Variants in ATG13 observed in about 807,000 individuals in gnomAD.
ATG13 encodes the protein autophagy-related protein 13.
A neutral mutation model predicts 65.5 loss-of-function variants in ATG13; 23 were observed. The observed-to-expected ratio is 0.35, with a 90% confidence interval of 0.25 to 0.50. The LOEUF (loss-of-function observed/expected upper bound fraction) is 0.50, where lower values mean the gene tolerates loss of function less well. Among genes scored for constraint, ATG13 ranks in the 20% least tolerant of loss-of-function variants. The pLI is 0.98. For missense variants in ATG13, 566 were observed against 677.0 expected, an observed-to-expected ratio of 0.84 and a Z score of 1.82; for synonymous variants, 252 against 245.2, an observed-to-expected ratio of 1.03 and a Z score of -0.26.
In ATG13 at chr11:46,667,797, C is replaced by G; in HGVS notation, c.1161C>G (p.Asn387Lys). 1 of 1,610,142 alleles carries G rather than the reference C, an allele frequency of 6.2e-7. No individual in the cohort carries two copies. Among genetic ancestry groups the G allele is most frequent in the Admixed American group, 1.7e-5 (1 of 59,922 alleles). The stretch of plus-strand genomic sequence containing the variant: ...GTGAGGATACTGAAACCGTATCAAA[C>G]AGCAGTGAGGGACGGGCCTCCCCTC... ...SSSEDTETVS[N>K]SSEGRASPHD... The change falls in exon 15 of 19, where the codon AAC (asparagine) becomes AAG (lysine). Residue 387 changes from asparagine to lysine, a missense_variant. Physicochemically the swap from Asn to Lys is moderately conservative, Grantham distance 94. This residue lies in a region of ATG13 where 387 missense variants were observed against 409.8 expected (regional missense o/e 0.94). Coordinates refer to ENST00000683050, the MANE Select transcript of ATG13 (RefSeq NM_001346311.2).
intron 2 of ATG13, 23 bp from the exon 3 acceptor site, chr11:46,644,256 T>C (rs2056951023): frequency 6.6e-7 from 1 of 1,525,728 alleles, no homozygotes; most frequent in Non-Finnish European, 8.9e-7. Context: ...ATTAGTCATA[T>C]TTTTTTCACT....
Position 46,657,240 on chromosome 11 carries a change from G to T in ATG13, c.596+49G>T, listed in dbSNP as rs1555110293. 5 of 1,517,018 alleles carry T rather than the reference G, an allele frequency of 3.3e-6. No homozygotes were observed. In the South Asian group the frequency reaches 5.6e-5, roughly 17 times the overall value. The allele number at this position is 1,517,018 out of a possible 1,614,324, so 94.0% of individuals were successfully genotyped here. A position where few individuals can be genotyped will look rare whatever the true frequency, so the allele number is the denominator to read the frequency against. ...AAAGAACTCTTCCGAAAATGTTAAA[G>T]TTTTTTTTCTCCTAAACTTTAAGAC... On this transcript the variant is annotated intron_variant, in intron 9 of 18. Transcript: ENST00000683050.
intron 15 of ATG13, 79 bp downstream of exon 15, chr11:46,667,966 A>C: frequency 1.0e-5 from 11 of 1,105,454 alleles, no homozygotes; most frequent in Non-Finnish European, 1.3e-5. Context: ...TCTTAACCTG[A>C]GATATTAATA....
chr11:46,669,438 T>C lies in ATG13; in HGVS notation c.1481T>C (p.Met494Thr), dbSNP rs1010509124. The C allele has an allele frequency of 1.2e-6, 2 of 1,614,212 alleles. No individual in the cohort carries two copies. Among genetic ancestry groups the C allele is most frequent in the Non-Finnish European group, 1.7e-6 (2 of 1,180,030 alleles). ...PAFSKDDILP[M>T]DLGTFYREFQ... is the part of the protein sequence containing the mutation. The stretch of plus-strand genomic sequence containing the variant: ...TTTTCTAAAGATGACATTCTTCCGA[T>C]GGACCTGGGGACCTTCTATCGGGAG... The change falls in exon 18 of 19, where the codon ATG becomes ACG. Residue 494 changes from methionine (M) to threonine (T), a missense_variant. By Grantham distance (81) the Met-to-Thr change is moderately conservative. This residue lies in a region of ATG13 where 387 missense variants were observed against 409.8 expected (regional missense o/e 0.94). Transcript: ENST00000683050.
chr11:46,647,292 T>C (rs2057855843), intron 5 of ATG13, among the ~76,000 whole-genome samples: 1 of 141,684 alleles, frequency 7.1e-6, no homozygotes, highest in African/African-American at 2.6e-5. Context: ...TTTTTTTTTT[T>C]GTTTTTTTTT....
In ATG13 at chr11:46,672,299, C is replaced by T. The variant is rs143570428; in HGVS notation, c.1620C>T (p.Arg540=). The change falls in exon 19 of 19, where the codon CGC becomes CGT. Residue 540 remains arginine, a synonymous_variant. Transcript: ENST00000683050. ...EKLAVHEKNV[R]EFDAFVETLQ is the part of the protein sequence containing the mutation. ...TGGCTGTGCATGAGAAGAATGTCCG[C>T]GAGTTTGATGCCTTTGTGGAAACCC... 1.9e-5 allele frequency: 30 copies of T among 1,614,122 alleles called. No individual in the cohort carries two copies. The highest frequency in any genetic ancestry group is 9.9e-5 in the South Asian group (9 of 91,094).
At chr11:46,670,173 G>A (rs369932622) in intron 18 of ATG13, among the ~76,000 whole-genome samples, 2 of 152,244 alleles carry the variant, frequency 1.3e-5, no homozygotes, top group African/African-American at 4.8e-5. Flanking sequence ...AAGGAGAAAA[G>A]CATGCCCAGT....
At chr11:46,633,774 A>C (rs994242147) in intron 2 of ATG13, among the ~76,000 whole-genome samples, 12 of 152,204 alleles carry the variant, frequency 7.9e-5, no homozygotes, top group African/African-American at 2.9e-4. Context: ...TTGCGCCACT[A>C]CACTCCAGCC....
intron 7 of ATG13, among the ~76,000 whole-genome samples, chr11:46,651,394 G>A (rs1276497206): frequency 6.6e-6 from 1 of 152,196 alleles, no homozygotes; most frequent in Non-Finnish European, 1.5e-5. Context: ...AATTATTCCA[G>A]ATGGAGAGTT....
intron 15 of ATG13, 60 bp downstream of exon 15, chr11:46,667,947 A>AG (rs2062750818): frequency 7.2e-7 from 1 of 1,386,094 alleles, no homozygotes; most frequent in African/African-American, 1.4e-5. Flanking sequence ...AAGGCCCCAC[A>AG]GGCAGTTTTC....
intron 2 of ATG13, among the ~76,000 whole-genome samples, chr11:46,639,761 T>C (rs2136153369): frequency 6.6e-6 from 1 of 152,008 alleles, no homozygotes; most frequent in Non-Finnish European, 1.5e-5. Context: ...ATGAAGAAGC[T>C]ATATTCTTAC....
At chr11:46,639,276 A>G (rs2055070479) in intron 2 of ATG13, among the ~76,000 whole-genome samples, 1 of 152,102 alleles carries the variant, frequency 6.6e-6, no homozygotes, top group African/African-American at 2.4e-5. Context: ...GTGAGCCACC[A>G]TGCCCAGCTT....
At position 46,641,358 on chromosome 11, in the gene ATG13, C is replaced by T. The variant is rs556380629; in HGVS notation, c.-13-2921C>T. On this transcript the variant is annotated intron_variant, in intron 2 of 18. Coordinates refer to ENST00000683050, the MANE Select transcript of ATG13 (RefSeq NM_001346311.2). ...GTGGTGGGATTACAGGCGTGAGCCA[C>T]TGTGCCCGGCCTAGAATTTATTTTT... Among the ~76,000 whole-genome samples, 113 of 152,348 alleles carry T rather than the reference C, an allele frequency of 7.4e-4. 1 individual carries two copies. Among genetic ancestry groups the T allele is most frequent in the African/African-American group, 2.7e-3 (111 of 41,588 alleles).
chr11:46,647,252 G>A (rs184394447), intron 5 of ATG13, among the ~76,000 whole-genome samples: 47 of 151,010 alleles, frequency 3.1e-4, no homozygotes, highest in Non-Finnish European at 5.2e-4. Context: ...TGGTGGTGGT[G>A]GTTGCTTTTT....
At chr11:46,664,776 G>GT in intron 12 of ATG13, 73 bp from the exon 13 acceptor site, 1 of 1,383,666 alleles carries the variant, frequency 7.2e-7, no homozygotes, top group Non-Finnish European at 1.0e-6. Flanking sequence ...GAGCCATCTT[G>GT]TTTGTCACGC....
rs537472374 is a variant in ATG13 at position 46,628,055 on chromosome 11, C to A, written c.-69-1990C>A. The stretch of plus-strand genomic sequence containing the variant: ...CTGTGATCGGGCCACTGCACTCTAA[C>A]CTGGACAAAGGATTGAGACCTTGTC... On this transcript the variant is annotated intron_variant, in intron 1 of 18. Coordinates refer to ENST00000683050, the MANE Select transcript of ATG13 (RefSeq NM_001346311.2). Among the ~76,000 whole-genome samples the A allele has an allele frequency of 1.8e-4, 27 of 147,968 alleles. No homozygotes were observed. The South Asian group carries it at 5.1e-3, about 28-fold the overall frequency.
intron 1 of ATG13, 193 bp from the exon 2 acceptor site, chr11:46,629,852 A>G (rs960756098): frequency 1.3e-4 from 20 of 152,174 alleles, no homozygotes; most frequent in Non-Finnish European, 2.2e-4. Flanking sequence ...GACTACATAT[A>G]TCTGTTCTGT....
intron 2 of ATG13, among the ~76,000 whole-genome samples, chr11:46,639,119 C>G (rs1591701019): frequency 1.3e-5 from 2 of 152,262 alleles, no homozygotes; most frequent in South Asian, 2.1e-4. Flanking sequence ...TCCCAAGTAG[C>G]TGGGACTGCA....
chr11:46,628,258 C>T (rs1425658038), intron 1 of ATG13, among the ~76,000 whole-genome samples: 2 of 151,548 alleles, frequency 1.3e-5, no homozygotes, highest in East Asian at 1.9e-4. Context: ...CAAAAATAAG[C>T]TGGTGTGGTG....
Sources: allele counts gnomAD v4.1 joint callset (sites outside exome capture counted in the v4.1 genomes callset), GRCh38; gene constraint gnomAD v4.1.1; regional missense constraint gnomAD v4.1.1; transcripts MANE v1.5; gene names NCBI Gene and HGNC (gene_info 2026-07-23, HGNC 2026-07-21).